The following DOCK2 variants were observed in gnomAD, a reference collection of about 807,000 sequenced individuals.
DOCK2 encodes the protein dedicator of cytokinesis 2.
Under a neutral mutation model 248.9 loss-of-function variants are expected in DOCK2, and 87 were observed. The ratio of observed to expected loss-of-function variants is 0.35; its 90% CI spans 0.29 to 0.42. DOCK2 has a LOEUF of 0.42. Ranked by LOEUF, DOCK2 falls within the 10% of genes least tolerant of loss-of-function variation. The pLI is 1.00. For missense variants in DOCK2, 1,747 were observed against 2,300.2 expected (o/e 0.76, Z 4.92); for synonymous variants, 805 against 821.6 (o/e 0.98, Z 0.35).
At chr5:170,046,767 CAT>C (rs1756728868) in intron 39 of DOCK2, among the ~76,000 whole-genome samples, 1 of 143,862 alleles carries the variant, frequency 7.0e-6, no homozygotes, top group Non-Finnish European at 1.5e-5. Context: ...GACACACACA[CAT>C]ACACACACAC....
Position 169,669,735 on chromosome 5 carries a change from A to AGG in DOCK2, c.168+410_168+411dup, listed in dbSNP as rs1337619160. Among the ~76,000 whole-genome samples, 8 of 152,234 alleles carry AGG rather than the reference A, an allele frequency of 5.3e-5. No homozygotes were observed. The South Asian group carries it at 1.2e-3, about 24-fold the overall frequency. On this transcript the variant is annotated intron_variant, in intron 3 of 51. Coordinates refer to ENST00000520908, the MANE Select transcript of DOCK2 (RefSeq NM_004946.3). ...AGGACAGGCCTGATTTCTACTTTTG[A>AGG]GGGGTTCTCTTGTTCTAACCTCACA... is the stretch of plus-strand genomic sequence containing the variant.
chr5:170,076,201 T>C, intron 47 of DOCK2, 117 bp downstream of exon 47: 5 of 1,415,800 alleles, frequency 3.5e-6, no homozygotes, highest in Non-Finnish European at 3.8e-6. Flanking sequence ...AAAGAGAAGA[T>C]AATGATGGCC....
At chr5:169,721,033 C>A (rs112662202) in intron 22 of DOCK2, among the ~76,000 whole-genome samples, 44 of 151,816 alleles carry the variant, frequency 2.9e-4, no homozygotes, top group Non-Finnish European at 3.2e-4. Flanking sequence ...GTATAACTCT[C>A]TCATGTCTTA....
intron 30 of DOCK2, among the ~76,000 whole-genome samples, chr5:170,005,144 A>C (rs1754980081): frequency 6.6e-6 from 1 of 152,204 alleles, no homozygotes; most frequent in Non-Finnish European, 1.5e-5. Flanking sequence ...AAGTATAAGA[A>C]ATCATACATG....
At chr5:169,681,634 TGTG>T in intron 6 of DOCK2, 107 bp from the exon 7 acceptor site, 1 of 1,375,082 alleles carries the variant, frequency 7.3e-7, no homozygotes. Context: ...AGCTCTTCTA[TGTG>T]ACTATATGAC....
chr5:169,815,339 C>G (rs937061663), intron 26 of DOCK2, among the ~76,000 whole-genome samples: 1 of 152,232 alleles, frequency 6.6e-6, no homozygotes, highest in Admixed American at 6.5e-5. Context: ...TCTGTTCCAT[C>G]AGCATCAGCT....
intron 15 of DOCK2, 83 bp downstream of exon 15, chr5:169,708,350 T>G (rs959798042): frequency 9.7e-5 from 127 of 1,310,602 alleles, no homozygotes; most frequent in Non-Finnish European, 1.2e-4. Flanking sequence ...TTTAAATAAT[T>G]TATGTATTGC....
chr5:169,943,718 G>A (rs1165184524), intron 27 of DOCK2, among the ~76,000 whole-genome samples: 1 of 152,152 alleles, frequency 6.6e-6, no homozygotes, highest in Non-Finnish European at 1.5e-5. Context: ...TCACCTGGGA[G>A]CTTGTTAGAA....
At chr5:169,908,713 CTTTTTTTTTTT>C (rs34261104) in intron 27 of DOCK2, among the ~76,000 whole-genome samples, 26 of 105,076 alleles carry the variant, frequency 2.5e-4, no homozygotes, top group African/African-American at 8.0e-4. Flanking sequence ...TTTCTTTTTT[CTTTTTTTTTTT>C]TTTTTTTTGA....
intron 38 of DOCK2, among the ~76,000 whole-genome samples, chr5:170,042,751 G>C (rs1314316312): frequency 6.6e-6 from 1 of 152,172 alleles, no homozygotes; most frequent in Non-Finnish European, 1.5e-5. Flanking sequence ...ACTGCCCCAG[G>C]TTACCCTTAT....
chr5:169,962,048 C>T (rs915538903), intron 27 of DOCK2, among the ~76,000 whole-genome samples: 2 of 149,120 alleles, frequency 1.3e-5, no homozygotes, highest in Non-Finnish European at 3.0e-5. Flanking sequence ...ACTTGTCCAA[C>T]TTGGAGAAAG....
chr5:170,016,998 G>C (rs973202944), intron 32 of DOCK2, among the ~76,000 whole-genome samples: 10 of 152,150 alleles, frequency 6.6e-5, no homozygotes, highest in African/African-American at 2.4e-4. Flanking sequence ...TCCTGGAAAA[G>C]TGTCTTTATT....
chr5:170,008,194 A>G (rs1755125004), intron 30 of DOCK2, among the ~76,000 whole-genome samples: 1 of 111,234 alleles, frequency 9.0e-6, no homozygotes, highest in South Asian at 2.8e-4. Flanking sequence ...CACAAGGACA[A>G]AAACAACAAC....
rs1771631378 is a variant in DOCK2, at chr5:169,867,340, A to G, written c.2799+26488A>G. Among the ~76,000 whole-genome samples, 7 of 152,296 alleles carry G rather than the reference A, an allele frequency of 4.6e-5. No homozygotes were observed. The South Asian group carries it at 1.0e-3, about 23-fold the overall frequency. Reference sequence around the variant, plus strand: ...CTGCTCCTGAGGCCTAACTCACCCAACGTGATAACAAAAGATTGTAACAAG... The same window carrying G: ...CTGCTCCTGAGGCCTAACTCACCCAGCGTGATAACAAAAGATTGTAACAAG... On this transcript the variant is annotated intron_variant, in intron 27 of 51. Transcript: ENST00000520908.
intron 40 of DOCK2, among the ~76,000 whole-genome samples, chr5:170,047,897 G>A (rs889615212): frequency 1.3e-5 from 2 of 152,208 alleles, no homozygotes; most frequent in African/African-American, 4.8e-5. Context: ...GCTGGAGGAT[G>A]TTTGCTGGCA....
chr5:169,785,012 C>T (rs1377480513), intron 25 of DOCK2, among the ~76,000 whole-genome samples: 1 of 152,154 alleles, frequency 6.6e-6, no homozygotes, highest in Admixed American at 6.5e-5. Flanking sequence ...GGCTAAATCC[C>T]AGTTTCCTTC....
rs142878844 is a variant in DOCK2, at chr5:169,695,192, G to A, written c.844-611G>A. On this transcript the variant is annotated intron_variant, in intron 9 of 51. Transcript: ENST00000520908. ...GTGAGCGCACCCGTGCTGAGACAGA[G>A]CTGCCAGCCAAGGGCCCAGAGTAAG... 800 of 152,762 alleles carry A rather than the reference G, an allele frequency of 5.2e-3. 6 individuals are homozygous for A. The highest frequency in any genetic ancestry group is 0.02 in the South Asian group (99 of 4,848). The allele number at this position is 152,762 out of a possible 1,614,324, so 9.5% of individuals were successfully genotyped here.
chr5:169,657,576 A>G (rs1758193248), intron 2 of DOCK2, among the ~76,000 whole-genome samples: 1 of 152,348 alleles, frequency 6.6e-6, no homozygotes, highest in Middle Eastern at 3.4e-3. Context: ...TGTAGAAGGG[A>G]CAAACATAAA....
intron 27 of DOCK2, among the ~76,000 whole-genome samples, chr5:169,912,461 G>A (rs188728843): frequency 1.9e-4 from 29 of 152,262 alleles, no homozygotes; most frequent in Non-Finnish European, 3.4e-4. Flanking sequence ...CTTTTGGCAC[G>A]TGTATGTGTG....
Sources: allele counts gnomAD v4.1 joint callset (sites outside exome capture counted in the v4.1 genomes callset), GRCh38; gene constraint gnomAD v4.1.1; transcripts MANE v1.5; gene names NCBI Gene and HGNC (gene_info 2026-07-23, HGNC 2026-07-21).